Variants in SEMA6A observed in about 807,000 individuals in gnomAD.
SEMA6A encodes semaphorin 6A.
Under a neutral mutation model 96.8 loss-of-function variants are expected in SEMA6A, and 25 were observed. That is an observed-to-expected ratio of 0.26 (90% confidence interval 0.19 to 0.36). The LOEUF is 0.36. SEMA6A is among the 10% of genes least tolerant of loss of function. SEMA6A has a pLI of 1.00. For synonymous variants in SEMA6A, 612 were observed against 518.0 expected (o/e 1.18, Z -2.46); for missense variants, 1,363 against 1,323.1 (o/e 1.03, Z -0.47).
intron 2 of SEMA6A, among the ~76,000 whole-genome samples, chr5:116,503,201 T>A (rs1408762265): frequency 6.6e-6 from 1 of 152,156 alleles, no homozygotes; most frequent in African/African-American, 2.4e-5. Flanking sequence ...TAAAAGGCAC[T>A]TGTTTTCTGG....
chr5:116,568,093 G>A (rs941555542), intron 1 of SEMA6A, among the ~76,000 whole-genome samples: 3 of 152,120 alleles, frequency 2.0e-5, no homozygotes, highest in Non-Finnish European at 2.9e-5. Flanking sequence ...AAAACTACAT[G>A]AACAGTGTAT....
intron 1 of SEMA6A, among the ~76,000 whole-genome samples, chr5:116,513,285 G>T (rs1301932374): frequency 6.6e-6 from 1 of 152,010 alleles, no homozygotes; most frequent in Non-Finnish European, 1.5e-5. Flanking sequence ...ACATCACCAT[G>T]CTCAGCTAAT....
chr5:116,478,264 G>A (rs1169646056), intron 13 of SEMA6A, 110 bp from the exon 14 acceptor site: 32 of 1,324,128 alleles, frequency 2.4e-5, no homozygotes, highest in South Asian at 5.7e-5. Context: ...TCTAACTGGC[G>A]GTGAAACAAA....
chr5:116,458,359 A>C (rs1433311844), intron 18 of SEMA6A, among the ~76,000 whole-genome samples: 1 of 152,162 alleles, frequency 6.6e-6, no homozygotes, highest in Non-Finnish European at 1.5e-5. Context: ...AGCTGTCAGA[A>C]AACTTTGTCA....
rs756727819 is a variant in SEMA6A, at chr5:116,444,457, C to T, written c.*2156G>A. On this transcript the variant is annotated 3_prime_UTR_variant, in exon 19 of 19. Transcript: ENST00000343348. ...AAAGACAAAACTAAACCCAGAAGAT[C>T]GAACTGGAAATAAAAGCAGACAAAG... 2 of 152,124 alleles carry T rather than the reference C, an allele frequency of 1.3e-5. No homozygotes were observed. Among genetic ancestry groups the T allele is most frequent in the Non-Finnish European group, 2.9e-5 (2 of 67,978 alleles). 9.4% of individuals were successfully genotyped at this position (152,124 alleles called of 1,614,324 possible).
chr5:116,538,285 T>A (rs1258167666), intron 1 of SEMA6A, among the ~76,000 whole-genome samples: 1 of 152,090 alleles, frequency 6.6e-6, no homozygotes, highest in African/African-American at 2.4e-5. Flanking sequence ...GCTCATTGGT[T>A]TGAGTTTTTT....
intron 1 of SEMA6A, among the ~76,000 whole-genome samples, chr5:116,549,657 C>T (rs555950778): frequency 6.6e-6 from 1 of 152,288 alleles, no homozygotes; most frequent in Admixed American, 6.5e-5. Flanking sequence ...ACAAGGCATA[C>T]ATATCCAATT....
At chr5:116,572,769 G>A (rs1176103446) in intron 1 of SEMA6A, among the ~76,000 whole-genome samples, 1 of 152,162 alleles carries the variant, frequency 6.6e-6, no homozygotes, top group African/African-American at 2.4e-5. Flanking sequence ...CTAGCTCCTA[G>A]CTGCATCCCG....
intron 18 of SEMA6A, among the ~76,000 whole-genome samples, chr5:116,452,740 G>T (rs1322615563): frequency 6.6e-6 from 1 of 152,168 alleles, no homozygotes; most frequent in Non-Finnish European, 1.5e-5. Flanking sequence ...CTAGCACCAG[G>T]CTCTGAGACA....
intron 1 of SEMA6A, among the ~76,000 whole-genome samples, chr5:116,544,454 C>T (rs1263032043): frequency 6.6e-6 from 1 of 151,712 alleles, no homozygotes; most frequent in South Asian, 2.1e-4. Flanking sequence ...CCATGCCCAG[C>T]GAAATTTTTG....
chr5:116,544,382 C>T (rs1239444717), intron 1 of SEMA6A, among the ~76,000 whole-genome samples: 2 of 152,124 alleles, frequency 1.3e-5, no homozygotes, highest in African/African-American at 2.4e-5. Context: ...CCTCGACATC[C>T]TGGGCTCAAG....
chr5:116,493,484 T>G (rs1055043501), intron 6 of SEMA6A, among the ~76,000 whole-genome samples: 13 of 152,220 alleles, frequency 8.5e-5, no homozygotes, highest in Admixed American at 3.3e-4. Context: ...CTGTATGTAT[T>G]AATTAATTTT....
intron 1 of SEMA6A, among the ~76,000 whole-genome samples, chr5:116,535,221 T>C: frequency 6.6e-6 from 1 of 152,148 alleles, no homozygotes; most frequent in East Asian, 1.9e-4. Flanking sequence ...GGGAGAGTTT[T>C]ACCCAGATGG....
chr5:116,480,603 G>A (rs1248941391), intron 11 of SEMA6A, among the ~76,000 whole-genome samples: 1 of 152,020 alleles, frequency 6.6e-6, no homozygotes, highest in Non-Finnish European at 1.5e-5. Flanking sequence ...CATATCTCGG[G>A]GATGGTTTTA....
At chr5:116,487,733 G>A (rs547476632) in intron 9 of SEMA6A, among the ~76,000 whole-genome samples, 32 of 152,100 alleles carry the variant, frequency 2.1e-4, no homozygotes, top group Non-Finnish European at 4.1e-4. Flanking sequence ...GCACGGTGGC[G>A]CATGCCTGTA....
chr5:116,502,077 T>G (rs554453929), intron 3 of SEMA6A, 133 bp downstream of exon 3: 1 of 658,976 alleles, frequency 1.5e-6, no homozygotes, highest in East Asian at 2.7e-5. Flanking sequence ...GCTTGATAAG[T>G]TAAAGGAGGC....
At position 116,542,970 on chromosome 5, in the gene SEMA6A, C is replaced by T. The variant is rs561770954; in HGVS notation, c.-39+31215G>A. Among the ~76,000 whole-genome samples, 4 of 152,238 alleles carry T rather than the reference C, an allele frequency of 2.6e-5. No individual in the cohort carries two copies. In the East Asian group the frequency reaches 5.8e-4, roughly 22 times the overall value. On this transcript the variant is annotated intron_variant, in intron 1 of 18. Coordinates refer to ENST00000343348, the MANE Select transcript of SEMA6A (RefSeq NM_020796.5). ...AGACAGCATCATTATTTTCCATTTG[C>T]AACACTGAGATTCTGTAAGTACATA...
At chr5:116,475,255 G>C (rs980825673) in intron 16 of SEMA6A, among the ~76,000 whole-genome samples, 10 of 152,146 alleles carry the variant, frequency 6.6e-5, no homozygotes, top group African/African-American at 2.4e-4. Context: ...TTTTGTAATG[G>C]AAATGCTGAT....
At chr5:116,465,288 C>G (rs910580350) in intron 18 of SEMA6A, among the ~76,000 whole-genome samples, 1 of 152,116 alleles carries the variant, frequency 6.6e-6, no homozygotes, top group South Asian at 2.1e-4. Context: ...AGTCATAACA[C>G]AGTGCTTGGC....
Sources: gnomAD v4.1 joint callset for allele counts (sites outside exome capture counted in the v4.1 genomes callset) on GRCh38, gnomAD v4.1.1 for gene constraint, MANE v1.5 for transcripts, NCBI Gene and HGNC (gene_info 2026-07-23, HGNC 2026-07-21) for gene names.